Variants in PARD3 observed in about 807,000 individuals in gnomAD.
PARD3 encodes the protein par-3 family cell polarity regulator.
A neutral mutation model predicts 155.4 loss-of-function variants in PARD3; 75 were observed. That is an observed-to-expected ratio of 0.48 (90% CI 0.40 to 0.58). The LOEUF (loss-of-function observed/expected upper bound fraction) is 0.58, where lower values mean the gene tolerates loss of function less well. Ranked by LOEUF, PARD3 falls within the 20% of genes least tolerant of loss-of-function variation. The pLI, the probability that PARD3 is intolerant of heterozygous loss-of-function variation, is 0.00. For missense variants in PARD3, 1,642 were observed against 1,721.7 expected, an observed-to-expected ratio of 0.95 and a Z score of 0.82; for synonymous variants, 576 against 610.5, an observed-to-expected ratio of 0.94 and a Z score of 0.83.
At chr10:34,606,264 T>G (rs1032623005) in intron 2 of PARD3, among the ~76,000 whole-genome samples, 2 of 150,196 alleles carry the variant, frequency 1.3e-5, no homozygotes, top group African/African-American at 4.9e-5. Context: ...TCTACAGATG[T>G]GTGCAGGTGT....
At chr10:34,674,001 A>AAG (rs2093654897) in intron 2 of PARD3, among the ~76,000 whole-genome samples, 1 of 151,568 alleles carries the variant, frequency 6.6e-6, no homozygotes, top group African/African-American at 2.4e-5. Context: ...AAAAAAACAA[A>AAG]CAAACAGGAG....
intron 20 of PARD3, among the ~76,000 whole-genome samples, chr10:34,291,864 G>C (rs144045577): frequency 2.8e-3 from 426 of 152,320 alleles, no homozygotes; most frequent in Non-Finnish European, 5.3e-3. Context: ...TTGGGCAACA[G>C]AGCGAGGCTA....
Position 34,706,039 on chromosome 10 carries a change from A to G in PARD3, c.121-9620T>C, listed in dbSNP as rs189856355. Among the ~76,000 whole-genome samples, 200 of 152,312 alleles carry G rather than the reference A, an allele frequency of 1.3e-3. 1 individual carries two copies. Among genetic ancestry groups the G allele is most frequent in the African/African-American group, 4.4e-3 (182 of 41,572 alleles). On this transcript the variant is annotated intron_variant, in intron 1 of 24. Coordinates refer to ENST00000374788, the MANE Select transcript of PARD3 (RefSeq NM_001184785.2). ...CAACACAAAGTCATGGAAGTCCTTC[A>G]ACTCCTCCACCATTCTACAGAAATG... is the stretch of plus-strand genomic sequence containing the variant.
intron 19 of PARD3, among the ~76,000 whole-genome samples, 164 bp downstream of exon 19, chr10:34,330,953 A>G (rs939631638): frequency 3.9e-5 from 6 of 152,166 alleles, no homozygotes; most frequent in Non-Finnish European, 7.3e-5. Flanking sequence ...AATGTGAGTA[A>G]AGGGCAAATA....
chr10:34,350,632 GC>G (rs1837959262), intron 14 of PARD3, among the ~76,000 whole-genome samples: 1 of 145,684 alleles, frequency 6.9e-6, no homozygotes, highest in Admixed American at 6.7e-5. Context: ...CTCCATCTTG[GC>G]GGGGGGGGAG....
chr10:34,156,597 GA>G lies in PARD3; in HGVS notation c.3420-25015del, dbSNP rs562754004. 5.3e-4 allele frequency among the ~76,000 whole-genome samples: 80 copies of G among 152,320 alleles called. No homozygotes were observed. The South Asian group carries it at 0.011, about 20-fold the overall frequency. On this transcript the variant is annotated intron_variant, in intron 22 of 24. Transcript: ENST00000374788. Reference sequence around the variant, plus strand: ...GGTTTGTTTGCAAGTGCTCCCACAAGAAAACTCGGAAGCGATGAACAAGAGT... The same window carrying G: ...GGTTTGTTTGCAAGTGCTCCCACAAGAAACTCGGAAGCGATGAACAAGAGT...
At chr10:34,119,474 G>A (rs1397362030) in intron 24 of PARD3, 139 bp downstream of exon 24, 10 of 796,368 alleles carry the variant, frequency 1.3e-5, no homozygotes, top group Admixed American at 6.4e-5. Context: ...CAGTAGCCAC[G>A]GGACATTTAT....
chr10:34,169,432 C>T (rs1395145093), intron 22 of PARD3, among the ~76,000 whole-genome samples: 1 of 152,112 alleles, frequency 6.6e-6, no homozygotes, highest in African/African-American at 2.4e-5. Flanking sequence ...GAAAGTTCAT[C>T]TCTTAGTTTT....
intron 2 of PARD3, among the ~76,000 whole-genome samples, chr10:34,636,465 C>T (rs1253900030): frequency 6.6e-6 from 1 of 152,216 alleles, no homozygotes; most frequent in Admixed American, 6.5e-5. Context: ...ACCACAAAGG[C>T]CGCTGGCGAG....
chr10:34,656,035 G>C (rs1177149083), intron 2 of PARD3, among the ~76,000 whole-genome samples: 1 of 151,982 alleles, frequency 6.6e-6, no homozygotes, highest in African/African-American at 2.4e-5. Flanking sequence ...GGATGACTTG[G>C]GAATGGCTCA....
chr10:34,810,832 C>T (rs1206937027), intron 1 of PARD3, among the ~76,000 whole-genome samples: 1 of 152,138 alleles, frequency 6.6e-6, no homozygotes, highest in South Asian at 2.1e-4. Context: ...CTTACATTAA[C>T]CCTGCCAGGG....
At chr10:34,172,536 T>C (rs1276659434) in intron 22 of PARD3, among the ~76,000 whole-genome samples, 1 of 152,104 alleles carries the variant, frequency 6.6e-6, no homozygotes, top group Non-Finnish European at 1.5e-5. Flanking sequence ...CTTTTAAAAA[T>C]GCAAATTTTG....
chr10:34,210,156 C>T (rs1951671867), intron 22 of PARD3, among the ~76,000 whole-genome samples: 1 of 152,166 alleles, frequency 6.6e-6, no homozygotes, highest in Non-Finnish European at 1.5e-5. Flanking sequence ...AACATATAAA[C>T]ACCTATCTTC....
chr10:34,154,644 T>A (rs1948921456), intron 22 of PARD3, among the ~76,000 whole-genome samples: 1 of 152,172 alleles, frequency 6.6e-6, no homozygotes, highest in Non-Finnish European at 1.5e-5. Flanking sequence ...AGATTTTGTT[T>A]CTCCCCAGAC....
chr10:34,324,910 C>T (rs1327741591), intron 19 of PARD3, among the ~76,000 whole-genome samples: 1 of 152,150 alleles, frequency 6.6e-6, no homozygotes, highest in East Asian at 1.9e-4. Context: ...CCTGACGTTA[C>T]TACTTATCAT....
chr10:34,126,969 T>C (rs1197786177), intron 23 of PARD3, among the ~76,000 whole-genome samples: 1 of 152,218 alleles, frequency 6.6e-6, no homozygotes, highest in Non-Finnish European at 1.5e-5. Context: ...CTGAAGTTGC[T>C]ATGGCATTTT....
intron 22 of PARD3, among the ~76,000 whole-genome samples, chr10:34,232,283 C>T (rs1026192473): frequency 1.3e-5 from 2 of 151,870 alleles, no homozygotes; most frequent in Non-Finnish European, 2.9e-5. Flanking sequence ...ATTTTATGAC[C>T]CTATCTATTT....
intron 22 of PARD3, among the ~76,000 whole-genome samples, chr10:34,170,982 G>A (rs952168918): frequency 3.3e-5 from 5 of 152,136 alleles, no homozygotes; most frequent in Admixed American, 1.3e-4. Flanking sequence ...AAGCCAGGTC[G>A]TCTTATCTAA....
chr10:34,793,912 C>T (rs2134267239), intron 1 of PARD3, among the ~76,000 whole-genome samples: 1 of 152,224 alleles, frequency 6.6e-6, no homozygotes, highest in South Asian at 2.1e-4. Context: ...CTGATACCTT[C>T]AATTAGAGGT....
Sources: gnomAD v4.1 joint callset for allele counts (sites outside exome capture counted in the v4.1 genomes callset) on GRCh38, gnomAD v4.1.1 for gene constraint, MANE v1.5 for transcripts, NCBI Gene and HGNC (gene_info 2026-07-23, HGNC 2026-07-21) for gene names.